The following XNDC1N variants were observed in gnomAD, a reference collection of about 807,000 sequenced individuals.
XNDC1N encodes XRCC1 N-terminal domain containing 1, N-terminal like.
the XNDC1N span, among the ~76,000 whole-genome samples, chr11:71,873,693 C>T: frequency 4.1e-3 from 627 of 152,016 alleles, 7 homozygotes; most frequent in African/African-American, 0.015. Context: ...AAAACTAATA[C>T]GTGTGGAACA....
the XNDC1N span, among the ~76,000 whole-genome samples, chr11:71,905,057 A>G: frequency 6.6e-6 from 1 of 152,056 alleles, no homozygotes; most frequent in Non-Finnish European, 1.5e-5. Flanking sequence ...ATTACCAATA[A>G]TATCACAGGT....
the XNDC1N span, chr11:71,917,746 T>C: frequency 2.8e-6 from 2 of 703,198 alleles, no homozygotes; most frequent in Non-Finnish European, 5.2e-6. Context: ...ATGGCCCACA[T>C]CAATTTGCAG....
chr11:71,867,117 G>A, the XNDC1N span, among the ~76,000 whole-genome samples: 2 of 151,874 alleles, frequency 1.3e-5, no homozygotes, highest in Non-Finnish European at 2.9e-5. Flanking sequence ...GGGTTAAAGA[G>A]CAATACTATG....
chr11:71,899,480 G>T, the XNDC1N span, among the ~76,000 whole-genome samples: 1 of 152,206 alleles, frequency 6.6e-6, no homozygotes. Flanking sequence ...TTGCTGAGAT[G>T]TTGTTAATGT....
At chr11:71,917,379 TATATAA>T in the XNDC1N span, 4 of 610,012 alleles carry the variant, frequency 6.6e-6, no homozygotes, top group South Asian at 5.9e-5. Context: ...CCACAAGTTA[TATATAA>T]ATATAAATAG....
the XNDC1N span, chr11:71,893,725 C>G: frequency 7.9e-7 from 1 of 1,270,426 alleles, no homozygotes; most frequent in South Asian, 1.2e-5. Context: ...TGTGGACATG[C>G]AGTCGCATAG....
chr11:71,899,647 T>G, the XNDC1N span, among the ~76,000 whole-genome samples: 11,178 of 152,160 alleles, frequency 0.073, 661 homozygotes, highest in African/African-American at 0.16. Flanking sequence ...CCATTCTCTA[T>G]TCTCAATAAA....
At chr11:71,889,953 C>T in the XNDC1N span, among the ~76,000 whole-genome samples, 1 of 152,100 alleles carries the variant, frequency 6.6e-6, no homozygotes, top group African/African-American at 2.4e-5. Context: ...CTTTAGGGAT[C>T]GGCTCAGACA....
At chr11:71,893,609 T>C in the XNDC1N span, 7 of 1,055,336 alleles carry the variant, frequency 6.6e-6, no homozygotes, top group Non-Finnish European at 1.0e-5. Context: ...CTCAACATCC[T>C]GGCTGTCAGC....
the XNDC1N span, among the ~76,000 whole-genome samples, chr11:71,898,440 C>T: frequency 2.0e-5 from 3 of 152,062 alleles, no homozygotes; most frequent in African/African-American, 7.2e-5. Context: ...AAGCTCGTCT[C>T]TATTAAAAAT....
the XNDC1N span, among the ~76,000 whole-genome samples, chr11:71,871,690 TAAC>T: frequency 6.6e-6 from 1 of 151,530 alleles, no homozygotes; most frequent in African/African-American, 2.4e-5. Flanking sequence ...ATAAATAAGA[TAAC>T]AGGCAAAAGA....
chr11:71,898,590 GAGAA>G, the XNDC1N span, among the ~76,000 whole-genome samples: 7 of 152,194 alleles, frequency 4.6e-5, no homozygotes, highest in African/African-American at 1.7e-4. Flanking sequence ...CGGGGTGACA[GAGAA>G]AGACTCTGTT....
the XNDC1N span, among the ~76,000 whole-genome samples, chr11:71,877,792 G>A: frequency 1.7e-4 from 26 of 152,224 alleles, no homozygotes; most frequent in East Asian, 2.1e-3. Context: ...TTGCATTGCC[G>A]TTTCTTTGTA....
the XNDC1N span, chr11:71,915,936 A>C: frequency 1.7e-6 from 1 of 594,866 alleles, no homozygotes; most frequent in Admixed American, 2.8e-5. Flanking sequence ...AAGGGTATCA[A>C]GCCCGTTGAT....
At chr11:71,878,084 T>C in the XNDC1N span, among the ~76,000 whole-genome samples, 4 of 152,220 alleles carry the variant, frequency 2.6e-5, no homozygotes, top group Non-Finnish European at 5.9e-5. Flanking sequence ...ACGTGGTTCT[T>C]CCCATTATCA....
the XNDC1N span, among the ~76,000 whole-genome samples, chr11:71,869,602 G>C: frequency 6.6e-6 from 1 of 152,156 alleles, no homozygotes; most frequent in Non-Finnish European, 1.5e-5. Flanking sequence ...TATCAGATCA[G>C]TTTTGTTCTT....
At chr11:71,889,264 A>T in the XNDC1N span, among the ~76,000 whole-genome samples, 2 of 152,234 alleles carry the variant, frequency 1.3e-5, no homozygotes, top group East Asian at 3.8e-4. Flanking sequence ...AGAAAATATC[A>T]ACAAGAAATC....
chr11:71,917,567 A>G, the XNDC1N span: 2 of 703,620 alleles, frequency 2.8e-6, no homozygotes, highest in Non-Finnish European at 5.2e-6. Flanking sequence ...TTAGTACTGC[A>G]TCTCTGTTTC....
chr11:71,873,212 C>T, the XNDC1N span, among the ~76,000 whole-genome samples: 1 of 152,070 alleles, frequency 6.6e-6, no homozygotes, highest in African/African-American at 2.4e-5. Flanking sequence ...CAGTATGCTG[C>T]TTTCATACTT....
Sources: allele counts gnomAD v4.1 joint callset (sites outside exome capture counted in the v4.1 genomes callset), GRCh38; gene constraint gnomAD v4.1.1; transcripts MANE v1.5; gene names NCBI Gene and HGNC (gene_info 2026-07-23, HGNC 2026-07-21).